TPX2: variants seen among roughly 807,000 people sequenced by gnomAD.
The protein encoded by TPX2 is targeting protein for Xklp2.
In TPX2, 21 loss-of-function variants were observed where a neutral mutation model predicts 93.6. The ratio of observed to expected loss-of-function variants is 0.22; its 90% CI spans 0.16 to 0.32. TPX2 has a LOEUF of 0.32. Among genes scored for constraint, TPX2 ranks in the 10% least tolerant of loss-of-function variants. The pLI, the probability that TPX2 is intolerant of heterozygous loss-of-function variation, is 1.00. For synonymous variants in TPX2, 281 were observed against 298.3 expected (o/e 0.94, Z 0.60); for missense variants, 776 against 871.1 (o/e 0.89, Z 1.37).
At chr20:31,772,719 T>C (rs1035978568) in intron 7 of TPX2, among the ~76,000 whole-genome samples, 22 of 152,156 alleles carry the variant, frequency 1.4e-4, no homozygotes, top group African/African-American at 5.3e-4. Flanking sequence ...TTTTCACATT[T>C]ATCCTTTTTT....
rs540177871 is a variant in TPX2 at position 31,747,460 on chromosome 20, G to GTCTA, written c.-71+4832_-71+4835dup. Among the ~76,000 whole-genome samples, 654 of 145,200 alleles carry GTCTA rather than the reference G, an allele frequency of 4.5e-3. 1 individual carries two copies. Among genetic ancestry groups the GTCTA allele is most frequent in the Middle Eastern group, 0.027 (7 of 260 alleles). Reference sequence around the variant, plus strand: ...TCTCTGTCTGTCTGTCTGTCTGTCTGTCTATCTATCTATCTATCTATCGTT... The same window carrying GTCTA: ...TCTCTGTCTGTCTGTCTGTCTGTCTGTCTATCTATCTATCTATCTATCTATCGTT... On this transcript the variant is annotated intron_variant, in intron 2 of 17. Transcript: ENST00000300403.
intron 16 of TPX2, 87 bp downstream of exon 16, chr20:31,797,602 C>A: frequency 8.5e-7 from 1 of 1,176,578 alleles, no homozygotes; most frequent in Non-Finnish European, 1.2e-6. Flanking sequence ...CAGTACAATG[C>A]TGTGTCAACT....
intron 12 of TPX2, among the ~76,000 whole-genome samples, chr20:31,791,367 T>C (rs2062100139): frequency 6.6e-6 from 1 of 152,188 alleles, no homozygotes; most frequent in South Asian, 2.1e-4. Flanking sequence ...CACTGCAAGC[T>C]CCGCCTCCTG....
intron 5 of TPX2, among the ~76,000 whole-genome samples, chr20:31,768,106 G>C (rs6058458): frequency 1.1e-3 from 170 of 151,040 alleles, no homozygotes; most frequent in African/African-American, 3.9e-3. Context: ...GCTAATTTTC[G>C]TATTTTTTGT....
intron 2 of TPX2, among the ~76,000 whole-genome samples, chr20:31,747,352 T>G (rs187397540): frequency 3.9e-5 from 6 of 152,300 alleles, no homozygotes; most frequent in Admixed American, 2.6e-4. Context: ...ACTCCTGACT[T>G]CGTGATCCGC....
rs372020355 is a variant in TPX2 at position 31,799,516 on chromosome 20, AT to A, written c.2133+966del. Among the ~76,000 whole-genome samples, 5 of 152,318 alleles carry A rather than the reference AT, an allele frequency of 3.3e-5. No homozygotes were observed. The East Asian group carries it at 9.6e-4, about 29-fold the overall frequency. On this transcript the variant is annotated intron_variant, in intron 17 of 17. Coordinates refer to ENST00000300403, the MANE Select transcript of TPX2 (RefSeq NM_012112.5). ...TAGCATCTTGCTAATTAACAAATGC[AT>A]TATCTCACATAGTAACCATTCCATA...
intron 17 of TPX2, among the ~76,000 whole-genome samples, chr20:31,800,220 C>G (rs1229726893): frequency 6.6e-6 from 1 of 152,150 alleles, no homozygotes; most frequent in Admixed American, 6.5e-5. Flanking sequence ...ATCTAGACTA[C>G]CATTTGCTGA....
chr20:31,761,093 C>G (rs1191839735), intron 4 of TPX2, among the ~76,000 whole-genome samples: 1 of 152,084 alleles, frequency 6.6e-6, no homozygotes, highest in Non-Finnish European at 1.5e-5. Context: ...ATCATCCTAT[C>G]AGTTTAGAAC....
intron 12 of TPX2, among the ~76,000 whole-genome samples, chr20:31,790,592 A>G (rs1326011239): frequency 6.6e-6 from 1 of 152,208 alleles, no homozygotes; most frequent in Non-Finnish European, 1.5e-5. Flanking sequence ...TCCAAGAAAG[A>G]CATTCCAAAC....
chr20:31,751,764 T>C (rs2122963446), intron 2 of TPX2, among the ~76,000 whole-genome samples: 1 of 152,282 alleles, frequency 6.6e-6, no homozygotes, highest in East Asian at 1.9e-4. Context: ...TTTTCTGAGA[T>C]GAAGTCTCAC....
At position 31,778,960 on chromosome 20, in the gene TPX2, T is replaced by A. The variant is rs201500640; in HGVS notation, c.1030T>A (p.Leu344Met). Residue 344 changes from leucine (L) to methionine (M), a missense_variant, in exon 10 of 18, where the codon TTG becomes ATG. Transcript: ENST00000300403. ...FHKRTPNRYHLRSKKDDINLL... is the reference protein window; with the variant it reads ...FHKRTPNRYHMRSKKDDINLL... ...TAAACGAACCCCTAACAGATATCATTTGAGGAGCAAGAAGGATGATATTAG... is the reference window on the plus strand; with the variant it reads ...TAAACGAACCCCTAACAGATATCATATGAGGAGCAAGAAGGATGATATTAG... The A allele has an allele frequency of 3.8e-6, 6 of 1,599,914 alleles. No homozygotes were observed. In the Admixed American group the frequency reaches 9.0e-5, roughly 24 times the overall value.
chr20:31,789,335 C>G lies in TPX2; in HGVS notation c.1414-3400C>G, dbSNP rs376317658. Among the ~76,000 whole-genome samples, 4 of 152,244 alleles carry G rather than the reference C, an allele frequency of 2.6e-5. No homozygotes were observed. In the East Asian group the frequency reaches 7.7e-4, roughly 29 times the overall value. On this transcript the variant is annotated intron_variant, in intron 12 of 17. Coordinates refer to ENST00000300403, the MANE Select transcript of TPX2 (RefSeq NM_012112.5). ...CACCACAGCACAAGCACTCTGATAT[C>G]GGATAACTGAGTGAGTAATAGTAGA...
chr20:31,758,385 G>T (rs557994709), intron 3 of TPX2, among the ~76,000 whole-genome samples: 2 of 152,242 alleles, frequency 1.3e-5, no homozygotes, highest in South Asian at 4.1e-4. Flanking sequence ...CTCCCAAAGT[G>T]CTGGGATTAC....
chr20:31,774,360 C>T (rs770130185), intron 7 of TPX2, among the ~76,000 whole-genome samples: 6 of 152,128 alleles, frequency 3.9e-5, no homozygotes, highest in Non-Finnish European at 7.3e-5. Flanking sequence ...TGTATTACTG[C>T]TACTATTGTA....
intron 3 of TPX2, among the ~76,000 whole-genome samples, 175 bp downstream of exon 3, chr20:31,757,757 G>A (rs1276172222): frequency 1.3e-5 from 2 of 152,200 alleles, no homozygotes; most frequent in Non-Finnish European, 2.9e-5. Flanking sequence ...AGTATTTGGG[G>A]AATGGATTGT....
chr20:31,768,542 G>A (rs2061944256), intron 5 of TPX2, among the ~76,000 whole-genome samples: 1 of 152,014 alleles, frequency 6.6e-6, no homozygotes, highest in Non-Finnish European at 1.5e-5. Context: ...ACTGTGCCCG[G>A]CCGGAAAGAT....
At position 31,792,805 on chromosome 20, in the gene TPX2, T is replaced by G. The variant is rs1295181114; in HGVS notation, c.1484T>G (p.Ile495Ser). The change falls in exon 13 of 18, where the codon ATT (isoleucine) becomes AGT (serine). Residue 495 changes from isoleucine (I) to serine (S), a missense_variant. By Grantham distance (142) the Ile-to-Ser change is moderately radical. Transcript: ENST00000300403. Reference protein sequence around the residue: ...KSPAFALKNRIRMPTKEDEEE... With the variant: ...KSPAFALKNRSRMPTKEDEEE... ...CCAGCCTTTGCATTGAAGAACAGAA[T>G]TCGAATGCCCACCAAAGAAGATGAG... 1.9e-6 allele frequency: 3 copies of G among 1,614,062 alleles called. No individual in the cohort carries two copies. The Admixed American group carries it at 5.0e-5, about 27-fold the overall frequency.
At chr20:31,782,079 G>T (rs112814013) in intron 10 of TPX2, among the ~76,000 whole-genome samples, 170 bp from the exon 11 acceptor site, 26 of 152,318 alleles carry the variant, frequency 1.7e-4, no homozygotes, top group African/African-American at 6.3e-4. Flanking sequence ...AGGAATAGGG[G>T]AGAAGTAACT....
At chr20:31,786,749 T>C (rs1439048049) in intron 12 of TPX2, among the ~76,000 whole-genome samples, 3 of 152,184 alleles carry the variant, frequency 2.0e-5, no homozygotes, top group Admixed American at 6.5e-5. Context: ...GTTTGTCAGT[T>C]GTGTGTACTC....
Sources: gnomAD v4.1 joint callset for allele counts (sites outside exome capture counted in the v4.1 genomes callset) on GRCh38, gnomAD v4.1.1 for gene constraint, MANE v1.5 for transcripts, NCBI Gene and HGNC (gene_info 2026-07-23, HGNC 2026-07-21) for gene names.